The following PDHX variants were observed in gnomAD, a reference collection of about 807,000 sequenced individuals.
The protein encoded by PDHX is pyruvate dehydrogenase complex component X, also known as pyruvate dehydrogenase protein X component, mitochondrial.
Under a neutral mutation model 55.3 loss-of-function variants are expected in PDHX, and 33 were observed. The observed-to-expected ratio is 0.60, with a 90% CI of 0.45 to 0.80. The LOEUF is 0.80. Ranked by LOEUF, PDHX falls within the 30% of genes least tolerant of loss-of-function variation. PDHX has a pLI of 0.00. For missense variants in PDHX, 622 were observed against 619.9 expected (o/e 1.00, Z -0.04); for synonymous variants, 226 against 219.4 (o/e 1.03, Z -0.27).
At chr11:34,989,574 A>G (rs374826902) in intron 9 of PDHX, among the ~76,000 whole-genome samples, 20 of 152,286 alleles carry the variant, frequency 1.3e-4, no homozygotes, top group African/African-American at 4.8e-4. Context: ...CTGTGGGATC[A>G]TGGACAGGTT....
At chr11:34,972,317 C>A (rs932467761) in intron 7 of PDHX, among the ~76,000 whole-genome samples, 3 of 151,136 alleles carry the variant, frequency 2.0e-5, no homozygotes, top group Non-Finnish European at 2.9e-5. Flanking sequence ...TTATTTGAGA[C>A]CTTTATTTTT....
intron 3 of PDHX, among the ~76,000 whole-genome samples, chr11:34,952,122 C>G (rs1249331262): frequency 6.6e-6 from 1 of 151,860 alleles, no homozygotes; most frequent in African/African-American, 2.4e-5. Context: ...GACACATACA[C>G]TCTCCCAAGG....
At chr11:34,988,699 T>C (rs1320047363) in intron 9 of PDHX, among the ~76,000 whole-genome samples, 1 of 152,182 alleles carries the variant, frequency 6.6e-6, no homozygotes, top group Non-Finnish European at 1.5e-5. Context: ...AGTACAATCA[T>C]TGGTTTTCTG....
In PDHX at chr11:34,926,886, A is replaced by G. The variant is rs950422059; in HGVS notation, c.161-4518A>G. Among the ~76,000 whole-genome samples the G allele has an allele frequency of 2.0e-5, 3 of 152,118 alleles. No homozygotes were observed. In the South Asian group the frequency reaches 6.2e-4, roughly 31 times the overall value. ...ATTGGAAGAGCCCATTTGAGGAAATACAGGAATTGCTTAGAGGGATTACTG... is the reference window on the plus strand; with the variant it reads ...ATTGGAAGAGCCCATTTGAGGAAATGCAGGAATTGCTTAGAGGGATTACTG... On this transcript the variant is annotated intron_variant, in intron 1 of 10. Transcript: ENST00000227868.
At chr11:34,956,717 CTG>C (rs1464780878) in intron 3 of PDHX, among the ~76,000 whole-genome samples, 1 of 152,056 alleles carries the variant, frequency 6.6e-6, no homozygotes, top group Non-Finnish European at 1.5e-5. Context: ...GCTTTATTAA[CTG>C]AGACACCACT....
rs1855840761 is a variant in PDHX, at chr11:34,995,452, A to G, written c.*280A>G. 1 of 394,386 alleles carries G rather than the reference A, an allele frequency of 2.5e-6. No individual in the cohort carries two copies. The allele number at this position is 394,386 out of a possible 1,614,324, so 24.4% of individuals were successfully genotyped here. A position where few individuals can be genotyped will look rare whatever the true frequency, so the allele number is the denominator to read the frequency against. Reference sequence around the variant, plus strand: ...TGCTGTATAAAGGGAATATTAAACTAGATGTAAATCAAAGTATATGTTTGG... The same window carrying G: ...TGCTGTATAAAGGGAATATTAAACTGGATGTAAATCAAAGTATATGTTTGG... On this transcript the variant is annotated 3_prime_UTR_variant, in exon 11 of 11. Transcript: ENST00000227868.
intron 10 of PDHX, among the ~76,000 whole-genome samples, chr11:34,994,237 A>T (rs144711983): frequency 9.2e-5 from 14 of 152,352 alleles, no homozygotes; most frequent in African/African-American, 3.4e-4. Context: ...CTAGACTGCA[A>T]ACCTATACAG....
At chr11:34,957,329 C>T (rs530669627) in intron 3 of PDHX, 55 bp from the exon 4 acceptor site, 22 of 1,095,378 alleles carry the variant, frequency 2.0e-5, no homozygotes, top group Admixed American at 3.8e-5. Context: ...GAACAAACTA[C>T]TTAATGCAGT....
chr11:34,954,909 A>C (rs1323912076), intron 3 of PDHX, among the ~76,000 whole-genome samples: 1 of 152,196 alleles, frequency 6.6e-6, no homozygotes, highest in Non-Finnish European at 1.5e-5. Flanking sequence ...TCACATAACT[A>C]GTAAGTGGTG....
Position 34,994,942 on chromosome 11 carries a change from G to C in PDHX, c.1276G>C (p.Asp426His), listed in dbSNP as rs762433166. The change falls in exon 11 of 11, where the codon GAC becomes CAC. Residue 426 changes from aspartate to histidine, a missense_variant. Physicochemically the swap from Asp to His is moderately conservative, Grantham distance 81. Transcript: ENST00000227868. ...SISNLGMFGI[D>H]EFTAVINPPQ... The stretch of plus-strand genomic sequence containing the variant: ...TTCCAACTTGGGGATGTTTGGCATC[G>C]ACGAATTTACTGCAGTGATTAACCC... The C allele has an allele frequency of 1.4e-5, 22 of 1,613,706 alleles. No individual in the cohort carries two copies. Among genetic ancestry groups the C allele is most frequent in the Admixed American group, 1.7e-5 (1 of 59,966 alleles).
chr11:34,993,139 C>T (rs1184415806), intron 10 of PDHX, among the ~76,000 whole-genome samples: 1 of 151,948 alleles, frequency 6.6e-6, no homozygotes, highest in Non-Finnish European at 1.5e-5. Context: ...GATAAAGTAC[C>T]CACTGCAATC....
intron 8 of PDHX, 46 bp from the exon 9 acceptor site, chr11:34,984,524 G>A: frequency 6.4e-7 from 1 of 1,554,734 alleles, no homozygotes; most frequent in Admixed American, 1.7e-5. Flanking sequence ...AACCGCCTTG[G>A]TCTAAAGCTG....
intron 5 of PDHX, among the ~76,000 whole-genome samples, chr11:34,963,297 GAGAC>G (rs1046071954): frequency 3.9e-5 from 6 of 151,958 alleles, no homozygotes; most frequent in African/African-American, 1.5e-4. Context: ...CTTTAAGAGA[GAGAC>G]AGGCTCTCAC....
intron 5 of PDHX, 59 bp downstream of exon 5, chr11:34,960,577 G>T: frequency 1.9e-6 from 2 of 1,063,186 alleles, no homozygotes; most frequent in Admixed American, 1.9e-5. Flanking sequence ...ATGTTTTTTT[G>T]AAAGAAAATA....
intron 3 of PDHX, among the ~76,000 whole-genome samples, chr11:34,953,773 G>T (rs766444288): frequency 3.9e-5 from 6 of 152,142 alleles, no homozygotes; most frequent in Non-Finnish European, 8.8e-5. Flanking sequence ...GTGATCTTGA[G>T]CAAGTTACAT....
At chr11:34,964,773 A>AGATTAGCATAACTAATATTAGC (rs1855091758) in intron 5 of PDHX, among the ~76,000 whole-genome samples, 1 of 146,314 alleles carries the variant, frequency 6.8e-6, no homozygotes, top group Non-Finnish European at 1.5e-5. Flanking sequence ...TAAATATGTA[A>AGATTAGCATAACTAATATTAGC]TATTAGCATA....
chr11:34,948,753 A>T (rs914481220), intron 3 of PDHX, among the ~76,000 whole-genome samples: 1 of 152,164 alleles, frequency 6.6e-6, no homozygotes, highest in Admixed American at 6.5e-5. Context: ...GTACATTTGT[A>T]ACTAGGAAAA....
chr11:34,918,282 A>AG (rs1314434229), intron 1 of PDHX, among the ~76,000 whole-genome samples: 1 of 151,682 alleles, frequency 6.6e-6, no homozygotes, highest in Non-Finnish European at 1.5e-5. Context: ...TACTTAAAAA[A>AG]AAAAAAAGAA....
chr11:34,968,786 C>T (rs969512946), intron 6 of PDHX, among the ~76,000 whole-genome samples: 8 of 152,152 alleles, frequency 5.3e-5, no homozygotes, highest in Non-Finnish European at 1.0e-4. Context: ...AGTTACCTTT[C>T]ATGATTTCTA....
Sources: gnomAD v4.1 joint callset for allele counts (sites outside exome capture counted in the v4.1 genomes callset) on GRCh38, gnomAD v4.1.1 for gene constraint, MANE v1.5 for transcripts, NCBI Gene and HGNC (gene_info 2026-07-23, HGNC 2026-07-21) for gene names.